ALPK2: variants seen among roughly 807,000 people sequenced by gnomAD.
ALPK2 encodes alpha-protein kinase 2.
Under a neutral mutation model 163.1 loss-of-function variants are expected in ALPK2, and 127 were observed. The ratio of observed to expected loss-of-function variants is 0.78; its 90% CI spans 0.67 to 0.90. The LOEUF (loss-of-function observed/expected upper bound fraction) is 0.90, where lower values mean the gene tolerates loss of function less well. ALPK2 is among the 40% of genes least tolerant of loss of function. The pLI, the probability that ALPK2 is intolerant of heterozygous loss-of-function variation, is 0.00. For missense variants in ALPK2, 2,360 were observed against 2,589.6 expected (o/e 0.91, Z 1.92); for synonymous variants, 953 against 959.1 (o/e 0.99, Z 0.12).
chr18:58,528,312 A>T (rs1410547687), intron 6 of ALPK2, among the ~76,000 whole-genome samples: 1 of 152,152 alleles, frequency 6.6e-6, no homozygotes, highest in Admixed American at 6.5e-5. Context: ...CAGGTGGATC[A>T]CTTGAGGCCA....
At chr18:58,624,374 C>A (rs1349892683) in intron 1 of ALPK2, among the ~76,000 whole-genome samples, 1 of 152,078 alleles carries the variant, frequency 6.6e-6, no homozygotes, top group African/African-American at 2.4e-5. Context: ...GGGTCCTGAC[C>A]AAAGTCCTGG....
intron 10 of ALPK2, among the ~76,000 whole-genome samples, chr18:58,509,300 TGGTTCCAA>T (rs928176016): frequency 2.6e-5 from 4 of 152,176 alleles, no homozygotes; most frequent in Admixed American, 2.6e-4. Context: ...ACATTTGGGT[TGGTTCCAA>T]GTCTTTGCTA....
chr18:58,573,068 G>A (rs954452957), intron 4 of ALPK2, among the ~76,000 whole-genome samples: 6 of 151,972 alleles, frequency 3.9e-5, no homozygotes, highest in South Asian at 4.2e-4. Flanking sequence ...TAATAAAACC[G>A]TTTGTAAATG....
chr18:58,604,597 G>A (rs1187273669), intron 3 of ALPK2, among the ~76,000 whole-genome samples: 1 of 152,176 alleles, frequency 6.6e-6, no homozygotes, highest in African/African-American at 2.4e-5. Flanking sequence ...GATCATTAGT[G>A]CCCAGCATAC....
rs1439139998 is a variant in ALPK2, at chr18:58,579,848, G to T, written c.928C>A (p.Leu310Ile). The change falls in exon 4 of 13, where the codon CTT becomes ATT. Residue 310 changes from leucine to isoleucine, a missense_variant. Leu to Ile is a conservative substitution (Grantham distance 5). Transcript: ENST00000361673. ...SSEDSDSDYELCPEITLTYTE... is the reference protein window; with the variant it reads ...SSEDSDSDYEICPEITLTYTE... The stretch of plus-strand genomic sequence containing the variant: ...TAGGTTAGGGTTATCTCTGGGCAAA[G>T]TTCATAGTCACTGTCAGAGTCTTCA... 2 of 1,614,096 alleles carry T rather than the reference G, an allele frequency of 1.2e-6. No individual in the cohort carries two copies.
chr18:58,529,182 C>A lies in ALPK2; in HGVS notation c.5410G>T (p.Val1804Leu), dbSNP rs1382425155. The change falls in exon 6 of 13, where the codon GTA becomes TTA. Residue 1804 changes from valine (V) to leucine (L), a missense_variant. By Grantham distance (32) the Val-to-Leu change is conservative. Coordinates refer to ENST00000361673, the MANE Select transcript of ALPK2 (RefSeq NM_052947.4). ...AEMFPEHSGNVKLSCQFAEIH... is the reference protein window; with the variant it reads ...AEMFPEHSGNLKLSCQFAEIH... ...TCTGCAAATTGGCAGCTTAATTTTA[C>A]ATTTCCAGAGTGTTCAGGGAACATC... The A allele has an allele frequency of 5.6e-6, 9 of 1,614,036 alleles. No homozygotes were observed. The African/African-American group carries it at 1.1e-4, about 19-fold the overall frequency.
Position 58,578,921 on chromosome 18 carries a change from T to C in ALPK2, c.1855A>G (p.Thr619Ala). The change falls in exon 4 of 13, where the codon ACA becomes GCA. Residue 619 changes from threonine (T) to alanine (A), a missense_variant. Thr to Ala is a moderately conservative substitution (Grantham distance 58). Coordinates refer to ENST00000361673, the MANE Select transcript of ALPK2 (RefSeq NM_052947.4). ...TTGCCTTCTTTGGAGACTGAGTCTG[T>C]TGAAGTTTGAAGGGTTTTTGCTTCT... ...EQEAKTLQTS[T>A]DSVSKEGNTN... The C allele has an allele frequency of 6.2e-6, 10 of 1,614,246 alleles. No homozygotes were observed. The highest frequency in any genetic ancestry group is 1.3e-5 in the African/African-American group (1 of 75,062).
chr18:58,601,117 G>A (rs556447583), intron 3 of ALPK2, among the ~76,000 whole-genome samples: 1 of 152,180 alleles, frequency 6.6e-6, no homozygotes, highest in South Asian at 2.1e-4. Context: ...TTAGCCAGGC[G>A]TGGTGGCATG....
rs549297381 is a variant in ALPK2 at position 58,555,925 on chromosome 18, G to A, written c.1963-17701C>T. ...CAACCTCTGCCTCCCCGGTTCAAGC[G>A]ATTCTCCTGCCTCAGCCTCCCAAGT... On this transcript the variant is annotated intron_variant, in intron 4 of 12. Coordinates refer to ENST00000361673, the MANE Select transcript of ALPK2 (RefSeq NM_052947.4). Among the ~76,000 whole-genome samples the A allele has an allele frequency of 7.2e-5, 11 of 152,196 alleles. No individual in the cohort carries two copies. The South Asian group carries it at 1.9e-3, about 26-fold the overall frequency.
At chr18:58,538,500 C>G in intron 4 of ALPK2, 3 of 406,714 alleles carry the variant, frequency 7.4e-6, no homozygotes, top group Non-Finnish European at 1.3e-5. Flanking sequence ...TGATTTCTTT[C>G]TCTCTTAGGA....
intron 3 of ALPK2, among the ~76,000 whole-genome samples, chr18:58,587,396 C>T (rs2051992953): frequency 6.6e-6 from 1 of 151,998 alleles, no homozygotes; most frequent in Non-Finnish European, 1.5e-5. Context: ...TAAAGTATTG[C>T]CCATACACAG....
intron 12 of ALPK2, among the ~76,000 whole-genome samples, chr18:58,488,064 AC>A (rs926910731): frequency 6.6e-6 from 1 of 150,722 alleles, no homozygotes; most frequent in Non-Finnish European, 1.5e-5. Flanking sequence ...TGGTCCAGGG[AC>A]CCCCTCTCCT....
intron 11 of ALPK2, among the ~76,000 whole-genome samples, chr18:58,499,939 G>A (rs1256651911): frequency 6.6e-6 from 1 of 152,242 alleles, no homozygotes; most frequent in Non-Finnish European, 1.5e-5. Flanking sequence ...TGTTTCTGAG[G>A]CCCAGGAAAA....
chr18:58,613,708 A>AATAAT (rs1555678003), intron 1 of ALPK2, among the ~76,000 whole-genome samples: 35 of 95,182 alleles, frequency 3.7e-4, no homozygotes, highest in Non-Finnish European at 6.5e-4. Flanking sequence ...CAAAAAAAAA[A>AATAAT]AATAATAATA....
chr18:58,535,872 C>T lies in ALPK2; in HGVS notation c.4315G>A (p.Gly1439Arg), dbSNP rs780203249. The T allele has an allele frequency of 4.0e-5, 65 of 1,614,032 alleles. 1 individual carries two copies. The Admixed American group carries it at 6.0e-4, about 15-fold the overall frequency. ...ATTTCCGCTTCGTGGCCCATGTTTC[C>T]GTCATTTGATTGACCCCCTTCTCTG... ...GAREGGQSND[G>R]NMGHEAEIQP... is the part of the protein sequence containing the mutation. The change falls in exon 5 of 13, where the codon GGA becomes AGA. Residue 1439 changes from glycine (G) to arginine (R), a missense_variant. Physicochemically the swap from Gly to Arg is moderately radical, Grantham distance 125. Coordinates refer to ENST00000361673, the MANE Select transcript of ALPK2 (RefSeq NM_052947.4).
At chr18:58,485,333 GGA>G (rs1198685733) in intron 12 of ALPK2, among the ~76,000 whole-genome samples, 1 of 152,210 alleles carries the variant, frequency 6.6e-6, no homozygotes, top group African/African-American at 2.4e-5. Flanking sequence ...TGGACTGAAT[GGA>G]GAGAGTTTTT....
At chr18:58,592,971 G>A (rs988918952) in intron 3 of ALPK2, among the ~76,000 whole-genome samples, 1 of 152,210 alleles carries the variant, frequency 6.6e-6, no homozygotes, top group Non-Finnish European at 1.5e-5. Flanking sequence ...CTGGCTGAAC[G>A]TTCAAGTGAC....
At chr18:58,607,553 T>C in intron 2 of ALPK2, 114 bp from the exon 3 acceptor site, 1 of 632,068 alleles carries the variant, frequency 1.6e-6, no homozygotes, top group East Asian at 2.8e-5. Flanking sequence ...ATGAGGATGA[T>C]GGATTACGTT....
chr18:58,545,083 C>A (rs1379129691), intron 4 of ALPK2: 1 of 152,128 alleles, frequency 6.6e-6, no homozygotes, highest in East Asian at 1.9e-4. Context: ...ATCTTCCAGT[C>A]CTGGGGCATG....
Sources: allele counts gnomAD v4.1 joint callset (sites outside exome capture counted in the v4.1 genomes callset), GRCh38; gene constraint gnomAD v4.1.1; transcripts MANE v1.5; gene names NCBI Gene and HGNC (gene_info 2026-07-23, HGNC 2026-07-21).